Variants in VANGL1 observed in about 807,000 individuals in gnomAD.
VANGL1 encodes the protein VANGL planar cell polarity protein 1, also known as vang-like protein 1.
In VANGL1, 18 loss-of-function variants were observed where a neutral mutation model predicts 48.4. The ratio of observed to expected loss-of-function variants is 0.37; its 90% CI spans 0.26 to 0.55. The LOEUF (loss-of-function observed/expected upper bound fraction) is 0.55. VANGL1 is among the 20% of genes least tolerant of loss of function. VANGL1 has a pLI of 0.81. For synonymous variants in VANGL1, 257 were observed against 261.8 expected (o/e 0.98, Z 0.18); for missense variants, 667 against 675.8 (o/e 0.99, Z 0.14).
At chr1:115,676,748 G>C (rs1002019922) in intron 4 of VANGL1, among the ~76,000 whole-genome samples, 2 of 152,186 alleles carry the variant, frequency 1.3e-5, no homozygotes, top group Admixed American at 6.5e-5. Flanking sequence ...GGGCGATGCC[G>C]ACCTCAGCCA....
At chr1:115,645,731 AT>A (rs1407246496) in intron 1 of VANGL1, among the ~76,000 whole-genome samples, 1 of 152,236 alleles carries the variant, frequency 6.6e-6, no homozygotes, top group Non-Finnish European at 1.5e-5. Flanking sequence ...CATAATATAA[AT>A]AATAATTAAT....
intron 4 of VANGL1, among the ~76,000 whole-genome samples, chr1:115,677,288 G>A (rs2101021261): frequency 6.6e-6 from 1 of 152,382 alleles, no homozygotes; most frequent in South Asian, 2.1e-4. Context: ...CTGTTGCCAT[G>A]GCAGTCATGT....
rs369543626 is a variant in VANGL1 at position 115,659,673 on chromosome 1, G to T, written c.104G>T (p.Arg35Leu). 1 of 1,613,946 alleles carries T rather than the reference G, an allele frequency of 6.2e-7. No homozygotes were observed. The highest frequency in any genetic ancestry group is 8.5e-7 in the Non-Finnish European group (1 of 1,180,008). The change falls in exon 3 of 8, where the codon CGG (arginine) becomes CTG (leucine). Residue 35 changes from arginine to leucine, a missense_variant. Physicochemically the swap from Arg to Leu is moderately radical, Grantham distance 102. Transcript: ENST00000355485. The stretch of plus-strand genomic sequence containing the variant: ...ACTAGAGAGAGACACAAGTCACCCC[G>T]GAATAAAGACGGCAGAGGGTCAGAA... ...ERTRERHKSP[R>L]NKDGRGSEKS...
At chr1:115,669,902 A>G (rs1409548993) in intron 4 of VANGL1, among the ~76,000 whole-genome samples, 1 of 152,130 alleles carries the variant, frequency 6.6e-6, no homozygotes, top group African/African-American at 2.4e-5. Flanking sequence ...TCACATTGTC[A>G]ATTGTGATTA....
chr1:115,662,628 G>A (rs1652602880), intron 3 of VANGL1, among the ~76,000 whole-genome samples: 1 of 152,200 alleles, frequency 6.6e-6, no homozygotes, highest in African/African-American at 2.4e-5. Context: ...TGCCCTTGAT[G>A]TTTAGTTCCT....
At chr1:115,689,232 A>G (rs1653746640) in intron 7 of VANGL1, among the ~76,000 whole-genome samples, 1 of 137,742 alleles carries the variant, frequency 7.3e-6, no homozygotes. Context: ...AGCTGTATTT[A>G]TATTAGAAGT....
At chr1:115,665,588 C>G (rs1357332907) in intron 4 of VANGL1, among the ~76,000 whole-genome samples, 1 of 152,202 alleles carries the variant, frequency 6.6e-6, no homozygotes, top group East Asian at 1.9e-4. Context: ...CTCCATTCCT[C>G]TGGCTTGGCT....
At chr1:115,678,353 C>A (rs114530948) in intron 4 of VANGL1, among the ~76,000 whole-genome samples, 1 of 152,136 alleles carries the variant, frequency 6.6e-6, no homozygotes, top group Admixed American at 6.5e-5. Flanking sequence ...CGGACAGTGG[C>A]GGAGGGAATG....
intron 4 of VANGL1, among the ~76,000 whole-genome samples, chr1:115,666,143 T>C (rs1333134169): frequency 6.6e-6 from 1 of 152,196 alleles, no homozygotes; most frequent in Non-Finnish European, 1.5e-5. Context: ...ACTCTGTATA[T>C]GTAAGTAGCC....
At chr1:115,645,152 G>A (rs1358401787) in intron 1 of VANGL1, among the ~76,000 whole-genome samples, 2 of 152,154 alleles carry the variant, frequency 1.3e-5, no homozygotes, top group African/African-American at 4.8e-5. Context: ...GGTTTCCTCT[G>A]GTCTCTCTGA....
At chr1:115,659,912 T>C in intron 3 of VANGL1, 139 bp downstream of exon 3, 1 of 1,237,280 alleles carries the variant, frequency 8.1e-7, no homozygotes, top group Admixed American at 2.0e-5. Context: ...CCATGGTCTC[T>C]TGTTGGTCTA....
chr1:115,649,302 C>A (rs1246946747), intron 1 of VANGL1, among the ~76,000 whole-genome samples: 1 of 152,160 alleles, frequency 6.6e-6, no homozygotes, highest in Non-Finnish European at 1.5e-5. Context: ...CCCCCACAAA[C>A]CCCCACCATA....
At chr1:115,666,549 T>A (rs1652797841) in intron 4 of VANGL1, among the ~76,000 whole-genome samples, 1 of 152,188 alleles carries the variant, frequency 6.6e-6, no homozygotes, top group Non-Finnish European at 1.5e-5. Flanking sequence ...AGTCTGCTCT[T>A]ACCATGACCA....
chr1:115,665,202 G>T (rs896074286), intron 4 of VANGL1, among the ~76,000 whole-genome samples: 4 of 152,168 alleles, frequency 2.6e-5, no homozygotes, highest in Non-Finnish European at 4.4e-5. Flanking sequence ...GAGGCCAGGG[G>T]CCACCCTTAT....
intron 3 of VANGL1, among the ~76,000 whole-genome samples, chr1:115,660,617 A>C (rs1031951428): frequency 2.0e-5 from 3 of 152,246 alleles, no homozygotes; most frequent in Non-Finnish European, 4.4e-5. Context: ...TACCCTCTGC[A>C]CATCCTGAAG....
At chr1:115,656,244 G>A (rs2101319116) in intron 2 of VANGL1, among the ~76,000 whole-genome samples, 1 of 152,324 alleles carries the variant, frequency 6.6e-6, no homozygotes. Flanking sequence ...GCGGTGCTGT[G>A]TATTATAACA....
chr1:115,642,332 C>A (rs1651763882), intron 1 of VANGL1, among the ~76,000 whole-genome samples: 1 of 152,004 alleles, frequency 6.6e-6, no homozygotes, highest in Non-Finnish European at 1.5e-5. Flanking sequence ...CCCCTCCTGG[C>A]CCTGCCGTGC....
At chr1:115,686,619 A>T (rs1403095904) in intron 7 of VANGL1, among the ~76,000 whole-genome samples, 1 of 151,974 alleles carries the variant, frequency 6.6e-6, no homozygotes, top group South Asian at 2.1e-4. Context: ...TGCACAAATT[A>T]CTCTACCCTC....
chr1:115,684,834 G>A (rs1454483191), intron 6 of VANGL1, among the ~76,000 whole-genome samples: 1 of 152,142 alleles, frequency 6.6e-6, no homozygotes, highest in Non-Finnish European at 1.5e-5. Context: ...GTTTCCCAGG[G>A]GCTGCTGGTG....
Sources: allele counts gnomAD v4.1 joint callset (sites outside exome capture counted in the v4.1 genomes callset), GRCh38; gene constraint gnomAD v4.1.1; transcripts MANE v1.5; gene names NCBI Gene and HGNC (gene_info 2026-07-23, HGNC 2026-07-21).